FBXW11: variants seen among roughly 807,000 people sequenced by gnomAD.
The protein encoded by FBXW11 is F-box/WD repeat-containing protein 11.
Under a neutral mutation model 77.6 loss-of-function variants are expected in FBXW11, and 19 were observed. The observed-to-expected ratio is 0.24, with a 90% CI of 0.17 to 0.36. FBXW11 has a LOEUF of 0.36. FBXW11 is among the 10% of genes least tolerant of loss of function. The pLI, the probability that FBXW11 is intolerant of heterozygous loss-of-function variation, is 1.00. For missense variants in FBXW11, 334 were observed against 704.2 expected (o/e 0.47, Z 5.95); for synonymous variants, 235 against 249.4 (o/e 0.94, Z 0.54).
intron 2 of FBXW11, among the ~76,000 whole-genome samples, chr5:171,953,979 T>C (rs945562845): frequency 1.3e-5 from 2 of 152,228 alleles, no homozygotes; most frequent in African/African-American, 2.4e-5. Flanking sequence ...CCCAGCACTA[T>C]ATGCACTAGA....
At chr5:171,875,921 CTGAGCCAGAT>C (rs1758051234) in intron 9 of FBXW11, among the ~76,000 whole-genome samples, 1 of 152,322 alleles carries the variant, frequency 6.6e-6, no homozygotes, top group African/African-American at 2.4e-5. Context: ...CCTTTACTCT[CTGAGCCAGAT>C]GTGTAAAATG....
At chr5:171,884,798 T>C (rs1335838912) in intron 7 of FBXW11, among the ~76,000 whole-genome samples, 1 of 152,230 alleles carries the variant, frequency 6.6e-6, no homozygotes, top group East Asian at 1.9e-4. Context: ...TTTTGACTCC[T>C]TGATTAGGTA....
At chr5:171,925,239 G>T (rs549824339) in intron 2 of FBXW11, among the ~76,000 whole-genome samples, 4 of 152,242 alleles carry the variant, frequency 2.6e-5, no homozygotes, top group Admixed American at 6.5e-5. Context: ...GAAAACCCCT[G>T]AAAAACCCTG....
intron 2 of FBXW11, among the ~76,000 whole-genome samples, chr5:171,950,877 A>G (rs1437770995): frequency 2.0e-5 from 3 of 151,898 alleles, no homozygotes; most frequent in Non-Finnish European, 4.4e-5. Context: ...ACAGAGTTAG[A>G]CTCGGTCTCA....
At chr5:171,893,270 T>A (rs772526304) in intron 6 of FBXW11, among the ~76,000 whole-genome samples, 2 of 151,596 alleles carry the variant, frequency 1.3e-5, no homozygotes, top group Non-Finnish European at 2.9e-5. Flanking sequence ...ATATTTCCAA[T>A]GCTCAGGAGA....
At chr5:171,908,716 G>A (rs987347780) in intron 4 of FBXW11, 1 of 152,172 alleles carries the variant, frequency 6.6e-6, no homozygotes, top group Non-Finnish European at 1.5e-5. Context: ...TACACGTTTT[G>A]GAAGAGAGAT....
At chr5:171,906,821 C>T (rs1005563231) in intron 4 of FBXW11, among the ~76,000 whole-genome samples, 20 of 152,280 alleles carry the variant, frequency 1.3e-4, no homozygotes, top group African/African-American at 4.8e-4. Context: ...TGTACCCATC[C>T]TAAAGCCTTA....
chr5:171,877,458 T>C (rs1758165048), intron 8 of FBXW11, among the ~76,000 whole-genome samples: 1 of 152,108 alleles, frequency 6.6e-6, no homozygotes, highest in Admixed American at 6.6e-5. Flanking sequence ...CCCAACTGCT[T>C]TGTAGATCCA....
rs1482619973 is a variant in FBXW11 at position 171,900,028 on chromosome 5, A to G, written c.509T>C (p.Leu170Pro). ...CACTCGCTGCCATTCTTTACATACC[A>G]GCTCTGCTGCACACAGAGACCTGGC... ...LDARSLCAAE[L>P]VCKEWQRVIS... The change falls in exon 5 of 14, where the codon CTG becomes CCG. Residue 170 changes from leucine to proline, a missense_variant. Leu to Pro is a moderately conservative substitution (Grantham distance 98). Around this residue, in one of 10 missense-constraint regions of FBXW11, gnomAD observed 56 missense variants for 144.9 expected, o/e 0.39. Coordinates refer to ENST00000517395, the MANE Select transcript of FBXW11 (RefSeq NM_001378974.1). 1 of 1,613,834 alleles carries G rather than the reference A, an allele frequency of 6.2e-7. No homozygotes were observed. Among genetic ancestry groups the G allele is most frequent in the Non-Finnish European group, 8.5e-7 (1 of 1,179,782 alleles).
chr5:171,975,961 G>C (rs1764807008), intron 1 of FBXW11, among the ~76,000 whole-genome samples: 1 of 152,122 alleles, frequency 6.6e-6, no homozygotes, highest in South Asian at 2.1e-4. Flanking sequence ...ATGATTATCA[G>C]GTGAGTTTCC....
chr5:171,909,390 C>T (rs1760742600), intron 4 of FBXW11, among the ~76,000 whole-genome samples: 1 of 152,148 alleles, frequency 6.6e-6, no homozygotes, highest in Admixed American at 6.5e-5. Flanking sequence ...CTGTAGGAGA[C>T]TCTTAAGGCA....
At chr5:171,915,827 T>C (rs1761195563) in intron 2 of FBXW11, among the ~76,000 whole-genome samples, 1 of 152,052 alleles carries the variant, frequency 6.6e-6, no homozygotes, top group Non-Finnish European at 1.5e-5. Flanking sequence ...CAGCAAAGAC[T>C]TGGAACCAAC....
rs529905514 is a variant in FBXW11, at chr5:171,918,095, TG to T, written c.148-3691del. Among the ~76,000 whole-genome samples the T allele has an allele frequency of 1.8e-3, 276 of 152,228 alleles. 1 individual carries two copies. The highest frequency in any genetic ancestry group is 6.8e-3 in the Middle Eastern group (2 of 294). On this transcript the variant is annotated intron_variant, in intron 2 of 13. Coordinates refer to ENST00000517395, the MANE Select transcript of FBXW11 (RefSeq NM_001378974.1). ...TGGGAGACAAAGGAAACACCCACTT[TG>T]TTAAATACAATACAGTCCTCTCCTA...
chr5:171,922,934 T>C (rs1761678383), intron 2 of FBXW11, among the ~76,000 whole-genome samples: 1 of 152,142 alleles, frequency 6.6e-6, no homozygotes, highest in African/African-American at 2.4e-5. Context: ...TGTGTGTGTG[T>C]GACAGAGTCA....
chr5:171,919,664 T>A (rs141445481), intron 2 of FBXW11, among the ~76,000 whole-genome samples: 114 of 152,344 alleles, frequency 7.5e-4, no homozygotes, highest in African/African-American at 2.6e-3. Flanking sequence ...AGCACCTATA[T>A]CCTGTTTTAC....
intron 2 of FBXW11, among the ~76,000 whole-genome samples, chr5:171,944,587 AAAAAAAAC>A (rs1386621733): frequency 6.0e-5 from 9 of 150,960 alleles, no homozygotes; most frequent in African/African-American, 1.9e-4. Flanking sequence ...AAAAAAAAAA[AAAAAAAAC>A]AACTAAAAGA....
chr5:171,981,031 C>T (rs999767293), intron 1 of FBXW11, among the ~76,000 whole-genome samples: 10 of 151,904 alleles, frequency 6.6e-5, no homozygotes, highest in South Asian at 2.1e-4. Context: ...CCACCATCTC[C>T]GGGAAAAGGA....
chr5:171,976,807 G>C (rs535696183), intron 1 of FBXW11, among the ~76,000 whole-genome samples: 36 of 152,154 alleles, frequency 2.4e-4, no homozygotes, highest in African/African-American at 8.7e-4. Flanking sequence ...AGCAATTTGG[G>C]AGCCCAAGGC....
At chr5:171,871,328 CA>C (rs1362629951) in intron 10 of FBXW11, among the ~76,000 whole-genome samples, 3 of 152,026 alleles carry the variant, frequency 2.0e-5, no homozygotes, top group Non-Finnish European at 2.9e-5. Flanking sequence ...CACGTACAGC[CA>C]GGGGGTTAAG....
Sources: gnomAD v4.1 joint callset for allele counts (sites outside exome capture counted in the v4.1 genomes callset) on GRCh38, gnomAD v4.1.1 for gene constraint, gnomAD v4.1.1 regional missense constraint, MANE v1.5 for transcripts, NCBI Gene and HGNC (gene_info 2026-07-23, HGNC 2026-07-21) for gene names.